Variants in DST observed in about 807,000 individuals in gnomAD.
DST encodes the protein dystonin.
Under a neutral mutation model 875.2 loss-of-function variants are expected in DST, and 253 were observed. The ratio of observed to expected loss-of-function variants is 0.29; its 90% CI spans 0.26 to 0.32. The LOEUF is 0.32. Among genes scored for constraint, DST ranks in the 10% least tolerant of loss-of-function variants. The pLI is 1.00. For synonymous variants in DST, 3,124 were observed against 3,197.1 expected (o/e 0.98, Z 0.77); for missense variants, 8,287 against 9,111.6 (o/e 0.91, Z 3.68).
rs1289745943 is a variant in DST, at chr6:56,568,542, G to A, written c.13932C>T (p.Asn4644=). 6.2e-7 allele frequency: 1 copy of A among 1,612,420 alleles called. No homozygotes were observed. Among genetic ancestry groups the A allele is most frequent in the Non-Finnish European group, 8.5e-7 (1 of 1,179,078 alleles). The stretch of plus-strand genomic sequence containing the variant: ...TTAAGTTACATAGTGAGATCCCACT[G>A]TTGTTTACTTTCTGAATCTCTGGTG... ...LKTPEIQKVN[N]SGISLCNLIS... Residue 4644 remains asparagine, a synonymous_variant, in exon 55 of 104, where the codon AAC becomes AAT. Transcript: ENST00000680361.
At chr6:56,583,090 C>T (rs1374695893) in intron 49 of DST, among the ~76,000 whole-genome samples, 6 of 152,236 alleles carry the variant, frequency 3.9e-5, no homozygotes, top group African/African-American at 1.2e-4. Context: ...GCATGATTTA[C>T]AGACCTTTGG....
chr6:56,471,158 G>A lies in DST; in HGVS notation c.22269C>T (p.Asp7423=). The part of the protein sequence containing the change: ...VMDFFRRIDK[D]QDGKITRQEF... ...CCTGCCGCGTTATTTTCCCATCCTG[G>A]TCTTTATCAATTCTCCTGAAGAAGT... The change falls in exon 95 of 104, where the codon GAC becomes GAT. Residue 7423 remains aspartate, a synonymous_variant. Transcript: ENST00000680361. 6.2e-7 allele frequency: 1 copy of A among 1,610,338 alleles called. No homozygotes were observed.
chr6:56,614,581 T>G, intron 36 of DST, 97 bp from the exon 37 acceptor site: 1 of 1,364,176 alleles, frequency 7.3e-7, no homozygotes, highest in Non-Finnish European at 9.4e-7. Context: ...AAAAATTTTT[T>G]TTCATCACAC....
intron 55 of DST, among the ~76,000 whole-genome samples, chr6:56,562,795 G>A (rs2097561314): frequency 6.6e-6 from 1 of 150,912 alleles, no homozygotes; most frequent in African/African-American, 2.4e-5. Context: ...GTATCCATGT[G>A]TTCTCATTGT....
chr6:56,700,029 C>T (rs1220248874), intron 8 of DST, among the ~76,000 whole-genome samples: 1 of 152,228 alleles, frequency 6.6e-6, no homozygotes, highest in Non-Finnish European at 1.5e-5. Flanking sequence ...GGCTGCATGG[C>T]AGCAGGTTAG....
At chr6:56,663,939 T>C (rs988922411) in intron 10 of DST, among the ~76,000 whole-genome samples, 9 of 152,096 alleles carry the variant, frequency 5.9e-5, no homozygotes, top group Non-Finnish European at 1.0e-4. Flanking sequence ...CCAGGGACAT[T>C]AAAAGGAAAA....
chr6:56,490,578 A>T (rs1192286500), intron 85 of DST, among the ~76,000 whole-genome samples: 3 of 152,158 alleles, frequency 2.0e-5, no homozygotes, highest in African/African-American at 7.2e-5. Context: ...AAACCTTCAT[A>T]TCCCTCTCAC....
chr6:56,632,720 G>C (rs149520827), intron 28 of DST, 134 bp downstream of exon 28: 3 of 725,492 alleles, frequency 4.1e-6, no homozygotes, highest in African/African-American at 1.8e-5. Flanking sequence ...TGCTTTTACC[G>C]TTCCACCAAT....
At chr6:56,768,471 G>A (rs1479749695) in intron 4 of DST, among the ~76,000 whole-genome samples, 1 of 152,130 alleles carries the variant, frequency 6.6e-6, no homozygotes, top group Non-Finnish European at 1.5e-5. Flanking sequence ...AATGGTACTG[G>A]AACAACTGGA....
At chr6:56,618,706 C>A in intron 36 of DST, 1 of 1,613,870 alleles carries the variant, frequency 6.2e-7, no homozygotes, top group Non-Finnish European at 8.5e-7. Context: ...CAAAGTCAAG[C>A]CTAATGCCTG....
chr6:56,736,088 C>G (rs1454711658), intron 4 of DST, among the ~76,000 whole-genome samples: 1 of 151,950 alleles, frequency 6.6e-6, no homozygotes, highest in East Asian at 1.9e-4. Flanking sequence ...AAGGGTTTCA[C>G]CATGTTGGCC....
intron 86 of DST, among the ~76,000 whole-genome samples, chr6:56,488,372 G>A (rs191663715): frequency 2.0e-5 from 3 of 152,252 alleles, no homozygotes; most frequent in African/African-American, 4.8e-5. Context: ...TTCAAATAAA[G>A]CATTCTGTTT....
chr6:56,509,577 G>T, intron 74 of DST, 65 bp downstream of exon 74: 1 of 1,227,210 alleles, frequency 8.1e-7, no homozygotes. Context: ...CCAATTGGAC[G>T]GTGAGTAAAC....
chr6:56,913,842 A>G (rs1393166901), intron 2 of DST, among the ~76,000 whole-genome samples: 1 of 152,228 alleles, frequency 6.6e-6, no homozygotes, highest in Admixed American at 6.5e-5. Context: ...ATGTTATTTC[A>G]TCAAACACAT....
chr6:56,593,723 G>C lies in DST; in HGVS notation c.12666C>G (p.His4222Gln), dbSNP rs1429081851. Residue 4222 changes from histidine (H) to glutamine (Q), a missense_variant, in exon 48 of 104, where the codon CAC becomes CAG. Around this residue, in one of 10 missense-constraint regions of DST, gnomAD observed 1,513 missense variants for 1,677.8 expected, o/e 0.90. Transcript: ENST00000680361. ...GATCCAACTTGCGCTGCACTTCTCT[G>C]TGGGTTGCAGAAGTATCAACCTTGC... The part of the protein sequence containing the change: ...DGGKVDTSAT[H>Q]REVQRKLDHA... 1 of 1,613,562 alleles carries C rather than the reference G, an allele frequency of 6.2e-7. No homozygotes were observed.
At chr6:56,851,057 T>C (rs1202913614) in intron 4 of DST, 4 of 271,944 alleles carry the variant, frequency 1.5e-5, no homozygotes, top group African/African-American at 2.1e-5. Context: ...CCCGCAAATA[T>C]ACTAGCAATC....
intron 61 of DST, chr6:56,540,266 T>G (rs1180371199): frequency 3.3e-5 from 5 of 152,660 alleles, no homozygotes; most frequent in Non-Finnish European, 7.3e-5. Flanking sequence ...GAGTTTCATA[T>G]TTCCATGAAT....
chr6:56,668,673 C>T (rs2099084287), intron 10 of DST, among the ~76,000 whole-genome samples: 1 of 152,030 alleles, frequency 6.6e-6, no homozygotes, highest in African/African-American at 2.4e-5. Context: ...GAGGCTGAGG[C>T]AGGAGAATCA....
intron 9 of DST, among the ~76,000 whole-genome samples, chr6:56,681,899 G>GC (rs925251249): frequency 2.0e-5 from 3 of 152,140 alleles, no homozygotes; most frequent in Non-Finnish European, 4.4e-5. Flanking sequence ...TGGACATGCA[G>GC]CCCCCAACCA....
Sources: allele counts gnomAD v4.1 joint callset (sites outside exome capture counted in the v4.1 genomes callset), GRCh38; gene constraint gnomAD v4.1.1; regional missense constraint gnomAD v4.1.1; transcripts MANE v1.5; gene names NCBI Gene and HGNC (gene_info 2026-07-23, HGNC 2026-07-21).